ABCD3: variants seen among roughly 807,000 people sequenced by gnomAD.
ABCD3 encodes ATP binding cassette subfamily D member 3, also known as ATP-binding cassette sub-family D member 3.
A neutral mutation model predicts 105.5 loss-of-function variants in ABCD3; 41 were observed. That is an observed-to-expected ratio of 0.39 (90% CI 0.30 to 0.50). ABCD3 has a LOEUF of 0.50. ABCD3 is among the 20% of genes least tolerant of loss of function. ABCD3 has a pLI of 0.84. For missense variants in ABCD3, 622 were observed against 806.3 expected (o/e 0.77, Z 2.77); for synonymous variants, 258 against 269.0 (o/e 0.96, Z 0.40).
chr1:94,423,719 C>CA (rs1557657150), intron 1 of ABCD3, among the ~76,000 whole-genome samples: 1 of 148,498 alleles, frequency 6.7e-6, no homozygotes, highest in Non-Finnish European at 1.5e-5. Flanking sequence ...AATTTCTTGA[C>CA]TTTTTTTTTT....
intron 1 of ABCD3, among the ~76,000 whole-genome samples, chr1:94,433,030 GTA>G (rs1204882047): frequency 1.3e-5 from 2 of 151,076 alleles, no homozygotes; most frequent in African/African-American, 4.9e-5. Flanking sequence ...GCTAATTTTT[GTA>G]TTTTCAGTAG....
At chr1:94,507,211 A>T (rs542024001) in intron 21 of ABCD3, among the ~76,000 whole-genome samples, 1 of 151,894 alleles carries the variant, frequency 6.6e-6, no homozygotes, top group Admixed American at 6.6e-5. Context: ...TCATTGTTCA[A>T]TTCCCACCTA....
the ABCD3 span, among the ~76,000 whole-genome samples, chr1:94,390,778 A>G: frequency 6.6e-6 from 1 of 152,282 alleles, no homozygotes; most frequent in Middle Eastern, 3.4e-3. Context: ...CCAGTTAGTA[A>G]CTATCCATAT....
intron 8 of ABCD3, among the ~76,000 whole-genome samples, chr1:94,479,003 CA>C (rs1280198349): frequency 6.6e-6 from 1 of 152,120 alleles, no homozygotes; most frequent in African/African-American, 2.4e-5. Context: ...ATATTTATAA[CA>C]CAGCCATATA....
chr1:94,478,609 G>A, intron 8 of ABCD3: 1 of 1,260,578 alleles, frequency 7.9e-7, no homozygotes, highest in Non-Finnish European at 1.1e-6. Context: ...CCAGCACTTT[G>A]GGAGGCTGAG....
chr1:94,421,999 C>G (rs115131729), intron 1 of ABCD3, among the ~76,000 whole-genome samples: 1 of 152,140 alleles, frequency 6.6e-6, no homozygotes, highest in African/African-American at 2.4e-5. Flanking sequence ...TGGTGTGGTC[C>G]TTCCCTACTT....
intron 10 of ABCD3, among the ~76,000 whole-genome samples, chr1:94,486,970 G>A (rs1649303674): frequency 6.6e-6 from 1 of 152,148 alleles, no homozygotes; most frequent in African/African-American, 2.4e-5. Flanking sequence ...TACAACTCCA[G>A]AATAAAAAAG....
At chr1:94,502,247 A>G (rs1476004074) in intron 20 of ABCD3, among the ~76,000 whole-genome samples, 1 of 151,974 alleles carries the variant, frequency 6.6e-6, no homozygotes, top group Non-Finnish European at 1.5e-5. Context: ...TCCTTCTCTC[A>G]TTTTTCATGA....
At chr1:94,516,252 A>T (rs1360279227) in intron 22 of ABCD3, among the ~76,000 whole-genome samples, 3 of 151,950 alleles carry the variant, frequency 2.0e-5, no homozygotes, top group Non-Finnish European at 4.4e-5. Flanking sequence ...TTAGATTACC[A>T]TGAAAATTAG....
At chr1:94,407,054 C>A in the ABCD3 span, among the ~76,000 whole-genome samples, 23 of 152,146 alleles carry the variant, frequency 1.5e-4, no homozygotes, top group East Asian at 9.7e-4. Flanking sequence ...ACAACAACAA[C>A]AAAAAACCTC....
intron 21 of ABCD3, among the ~76,000 whole-genome samples, chr1:94,509,418 T>C (rs1439277217): frequency 1.3e-5 from 2 of 152,208 alleles, no homozygotes; most frequent in East Asian, 3.8e-4. Flanking sequence ...TTTGCATCAA[T>C]GTTCATCAAG....
chr1:94,454,140 CAG>C (rs1322557038), intron 1 of ABCD3, among the ~76,000 whole-genome samples: 1 of 151,746 alleles, frequency 6.6e-6, no homozygotes, highest in Non-Finnish European at 1.5e-5. Context: ...TGAAAGAGGA[CAG>C]AAACTAATGA....
upstream of ABCD3, among the ~76,000 whole-genome samples, chr1:94,417,328 C>A (rs1455166183): frequency 6.6e-6 from 1 of 152,210 alleles, no homozygotes; most frequent in Admixed American, 6.5e-5. Flanking sequence ...ACCTAGGGCA[C>A]AGCACCACTA....
intron 1 of ABCD3, among the ~76,000 whole-genome samples, chr1:94,429,039 G>A (rs1362592454): frequency 6.6e-6 from 1 of 152,196 alleles, no homozygotes; most frequent in African/African-American, 2.4e-5. Context: ...GGTCCAGGCT[G>A]AGGTAGTCTC....
At chr1:94,390,711 A>G in the ABCD3 span, among the ~76,000 whole-genome samples, 2 of 152,164 alleles carry the variant, frequency 1.3e-5, no homozygotes, top group Non-Finnish European at 2.9e-5. Flanking sequence ...GACAGTTGCA[A>G]GTGTCTTACC....
chr1:94,489,712 T>C lies in ABCD3; in HGVS notation c.1158-13T>C. 4 of 1,598,176 alleles carry C rather than the reference T, an allele frequency of 2.5e-6. No individual in the cohort carries two copies. The highest frequency in any genetic ancestry group is 3.4e-6 in the Non-Finnish European group (4 of 1,166,364). On this transcript the variant is annotated splice_polypyrimidine_tract_variant and intron_variant, in intron 13 of 22. Coordinates refer to ENST00000370214, the MANE Select transcript of ABCD3 (RefSeq NM_002858.4). ...TGGAGTTTTGATTATGGTTTCCTTT[T>C]CTAAAATTTTAGTTTTACTGCTCGG...
chr1:94,397,322 C>T, the ABCD3 span, among the ~76,000 whole-genome samples: 2 of 152,306 alleles, frequency 1.3e-5, no homozygotes, highest in South Asian at 2.1e-4. Context: ...CACTTATGCT[C>T]TTTTTCTGCT....
At chr1:94,420,011 G>A (rs1487468000) in intron 1 of ABCD3, among the ~76,000 whole-genome samples, 2 of 152,154 alleles carry the variant, frequency 1.3e-5, no homozygotes, top group Non-Finnish European at 2.9e-5. Flanking sequence ...CTTGAATTCT[G>A]TTTTTGCAAA....
At chr1:94,408,162 A>G in the ABCD3 span, among the ~76,000 whole-genome samples, 1 of 152,242 alleles carries the variant, frequency 6.6e-6, no homozygotes, top group Non-Finnish European at 1.5e-5. Context: ...ATTATAGAGG[A>G]GCAAAGAAGA....
Sources: gnomAD v4.1 joint callset for allele counts (sites outside exome capture counted in the v4.1 genomes callset) on GRCh38, gnomAD v4.1.1 for gene constraint, MANE v1.5 for transcripts, NCBI Gene and HGNC (gene_info 2026-07-23, HGNC 2026-07-21) for gene names.